CDH23: variants seen among roughly 807,000 people sequenced by gnomAD.
CDH23 encodes cadherin related 23, also known as cadherin-23.
In CDH23, 189 loss-of-function variants were observed where a neutral mutation model predicts 317.1. That is an observed-to-expected ratio of 0.60 (90% confidence interval 0.53 to 0.67). The LOEUF (loss-of-function observed/expected upper bound fraction) is 0.67, where lower values mean the gene tolerates loss of function less well. Among genes scored for constraint, CDH23 ranks in the 30% least tolerant of loss-of-function variants. The pLI is 0.00. For synonymous variants in CDH23, 1,839 were observed against 1,876.8 expected, an observed-to-expected ratio of 0.98 and a Z score of 0.52; for missense variants, 4,401 against 4,592.4, an observed-to-expected ratio of 0.96 and a Z score of 1.20.
intron 48 of CDH23, chr10:71,795,810 T>C: frequency 1.0e-6 from 1 of 986,540 alleles, no homozygotes; most frequent in Admixed American, 6.2e-5. Context: ...AACCCTCTTC[T>C]CTCTTCCTCA....
rs2132998531 is a variant in CDH23 at position 71,810,567 on chromosome 10, C to T, written c.9075C>T (p.Asp3025=). ...ATACCAACCGCATCCTGGACGTGGA[C>T]CGGTGAGTCGGGGCCTGTGTTTGGA... ...NRDTNRILDV[D]RVIQMIDENK... Residue 3025 remains aspartate, a splice_region_variant and synonymous_variant, in exon 62 of 70, where the codon GAC becomes GAT. Transcript: ENST00000224721. The T allele has an allele frequency of 1.2e-6, 2 of 1,613,776 alleles. No homozygotes were observed. Among genetic ancestry groups the T allele is most frequent in the Non-Finnish European group, 8.5e-7 (1 of 1,179,730 alleles).
chr10:71,418,203 GT>G (rs1335076787), intron 1 of CDH23, among the ~76,000 whole-genome samples: 3 of 151,608 alleles, frequency 2.0e-5, no homozygotes, highest in Non-Finnish European at 4.4e-5. Context: ...TCTTTCTCCT[GT>G]TTATGATATA....
At chr10:71,630,456 G>A (rs1007441066) in intron 11 of CDH23, among the ~76,000 whole-genome samples, 3 of 152,292 alleles carry the variant, frequency 2.0e-5, no homozygotes, top group South Asian at 4.1e-4. Flanking sequence ...GCGGTCAGCC[G>A]CTGGATCTGT....
chr10:71,625,985 T>A (rs1174004969), intron 11 of CDH23, among the ~76,000 whole-genome samples: 1 of 152,242 alleles, frequency 6.6e-6, no homozygotes, highest in Admixed American at 6.5e-5. Context: ...TCATATCACG[T>A]TACAGGTGTC....
At chr10:71,409,613 T>C (rs1396724898) in intron 1 of CDH23, among the ~76,000 whole-genome samples, 1 of 152,126 alleles carries the variant, frequency 6.6e-6, no homozygotes, top group African/African-American at 2.4e-5. Context: ...CGGGCAGTGC[T>C]TGGGACAGGA....
intron 6 of CDH23, among the ~76,000 whole-genome samples, chr10:71,532,335 G>A (rs532672834): frequency 2.6e-5 from 4 of 152,352 alleles, no homozygotes; most frequent in African/African-American, 9.6e-5. Flanking sequence ...CTGCGTCTAA[G>A]GGAGAGAGCG....
intron 1 of CDH23, among the ~76,000 whole-genome samples, chr10:71,417,507 C>G (rs1423372933): frequency 6.6e-6 from 1 of 152,336 alleles, no homozygotes; most frequent in East Asian, 1.9e-4. Flanking sequence ...ACTATTGCTT[C>G]TGACTTAATC....
At chr10:71,590,713 T>C (rs2132443089) in intron 9 of CDH23, among the ~76,000 whole-genome samples, 1 of 152,068 alleles carries the variant, frequency 6.6e-6, no homozygotes, top group Middle Eastern at 3.4e-3. Flanking sequence ...TTTAGAAGTC[T>C]GTAGGAGCTG....
At chr10:71,575,771 C>G (rs1858147296) in intron 8 of CDH23, among the ~76,000 whole-genome samples, 1 of 152,262 alleles carries the variant, frequency 6.6e-6, no homozygotes. Flanking sequence ...AAATAAGTTT[C>G]AGTATATTGA....
intron 38 of CDH23, among the ~76,000 whole-genome samples, chr10:71,772,262 T>A (rs1031310140): frequency 6.6e-6 from 1 of 152,090 alleles, no homozygotes; most frequent in African/African-American, 2.4e-5. Flanking sequence ...ATCTTCCAGG[T>A]TCAGCCTCCT....
intron 42 of CDH23, 41 bp from the exon 43 acceptor site, chr10:71,784,850 C>T (rs1038194576): frequency 1.9e-5 from 29 of 1,545,496 alleles, no homozygotes; most frequent in South Asian, 6.7e-5. Flanking sequence ...CAACATCTGT[C>T]GCTCTTCCTC....
intron 11 of CDH23, among the ~76,000 whole-genome samples, chr10:71,625,984 G>A (rs1465394987): frequency 3.3e-5 from 5 of 152,290 alleles, no homozygotes; most frequent in East Asian, 3.9e-4. Context: ...TTCATATCAC[G>A]TTACAGGTGT....
At chr10:71,814,192 A>G (rs1242554132) in intron 69 of CDH23, among the ~76,000 whole-genome samples, 4 of 152,248 alleles carry the variant, frequency 2.6e-5, no homozygotes, top group Non-Finnish European at 4.4e-5. Context: ...CAATTTGGCA[A>G]CAAACCCAGA....
At chr10:71,755,605 C>T (rs998872570) in intron 38 of CDH23, 1 of 757,518 alleles carries the variant, frequency 1.3e-6, no homozygotes, top group Non-Finnish European at 2.2e-6. Flanking sequence ...CCCCCAGCAA[C>T]CTACAGAGGC....
chr10:71,768,139 G>A (rs1462229865), intron 38 of CDH23, among the ~76,000 whole-genome samples: 2 of 152,182 alleles, frequency 1.3e-5, no homozygotes, highest in Admixed American at 6.5e-5. Context: ...CATTCTAAGT[G>A]CTTGTTTGTT....
chr10:71,738,689 G>T lies in CDH23; in HGVS notation c.4359+42G>T, dbSNP rs548865481. On this transcript the variant is annotated intron_variant, in intron 35 of 69. Coordinates refer to ENST00000224721, the MANE Select transcript of CDH23 (RefSeq NM_022124.6). ...AACAGCCAGGATCCACCATGTCAGCGGGGCTCCCACAGCTCTCACAGCTGG... is the reference window on the plus strand; with the variant it reads ...AACAGCCAGGATCCACCATGTCAGCTGGGCTCCCACAGCTCTCACAGCTGG... 3.8e-6 allele frequency: 6 copies of T among 1,599,886 alleles called. No individual in the cohort carries two copies. In the Admixed American group the frequency reaches 8.4e-5, roughly 22 times the overall value.
chr10:71,503,076 G>A (rs754753270), intron 3 of CDH23, among the ~76,000 whole-genome samples: 1 of 152,252 alleles, frequency 6.6e-6, no homozygotes, highest in Non-Finnish European at 1.5e-5. Flanking sequence ...TGGGGCCTCA[G>A]GGGAAGCTGT....
chr10:71,484,903 A>G (rs1852261167), intron 3 of CDH23, among the ~76,000 whole-genome samples: 1 of 151,998 alleles, frequency 6.6e-6, no homozygotes, highest in Non-Finnish European at 1.5e-5. Context: ...ATACAAGTTC[A>G]TGTACACACT....
intron 11 of CDH23, among the ~76,000 whole-genome samples, chr10:71,620,568 C>T (rs1158374505): frequency 6.6e-6 from 1 of 152,188 alleles, no homozygotes; most frequent in Non-Finnish European, 1.5e-5. Flanking sequence ...TAGTGACCGC[C>T]CCCCACCCAG....
Sources: allele counts gnomAD v4.1 joint callset (sites outside exome capture counted in the v4.1 genomes callset), GRCh38; gene constraint gnomAD v4.1.1; transcripts MANE v1.5; gene names NCBI Gene and HGNC (gene_info 2026-07-23, HGNC 2026-07-21).